EFCAB11: variants seen among roughly 807,000 people sequenced by gnomAD.
EFCAB11 encodes the protein EF-hand calcium binding domain 11.
EFCAB11 carries 14 observed loss-of-function variants against 23.0 expected under a neutral mutation model. The observed-to-expected ratio is 0.61, with a 90% CI of 0.40 to 0.95. EFCAB11 has a LOEUF of 0.95. Ranked by LOEUF, EFCAB11 falls within the 40% of genes least tolerant of loss-of-function variation. The pLI, the probability that EFCAB11 is intolerant of heterozygous loss-of-function variation, is 0.00. For synonymous variants in EFCAB11, 65 were observed against 66.6 expected (o/e 0.98, Z 0.11); for missense variants, 198 against 195.8 (o/e 1.01, Z -0.07).
At chr14:89,931,515 T>G in intron 5 of EFCAB11, 26 bp downstream of exon 5, 1 of 1,570,952 alleles carries the variant, frequency 6.4e-7, no homozygotes, top group African/African-American at 1.4e-5. Context: ...CAAAAGGTGG[T>G]GTACAGAAGG....
chr14:89,910,240 C>CA (rs1889633686), intron 5 of EFCAB11, among the ~76,000 whole-genome samples: 1 of 152,124 alleles, frequency 6.6e-6, no homozygotes, highest in African/African-American at 2.4e-5. Flanking sequence ...GGCAGGAGTG[C>CA]ATTTTGGCCA....
chr14:89,845,853 G>A (rs536744415), intron 5 of EFCAB11, among the ~76,000 whole-genome samples: 1 of 152,154 alleles, frequency 6.6e-6, no homozygotes, highest in Non-Finnish European at 1.5e-5. Flanking sequence ...GGGGCCCCAG[G>A]GTGGCTGCTT....
At position 89,850,932 on chromosome 14, in the gene EFCAB11, C is replaced by G. The variant is rs1239698550; in HGVS notation, c.411-53608G>C. 2.0e-5 allele frequency among the ~76,000 whole-genome samples: 3 copies of G among 152,194 alleles called. No homozygotes were observed. The East Asian group carries it at 5.8e-4, about 29-fold the overall frequency. On this transcript the variant is annotated intron_variant, in intron 5 of 5. Transcript: ENST00000316738. ...AAACTGAGCCCTAGGAAGTTAAACA[C>G]TCAGTATCTTGCCTAGGACCACACA... is the stretch of plus-strand genomic sequence containing the variant.
intron 5 of EFCAB11, among the ~76,000 whole-genome samples, chr14:89,887,866 G>T (rs1888842810): frequency 6.6e-6 from 1 of 152,160 alleles, no homozygotes; most frequent in Non-Finnish European, 1.5e-5. Context: ...CATTTTTCTT[G>T]AAGCTATAAT....
chr14:89,873,773 T>G (rs1888353941), intron 5 of EFCAB11, among the ~76,000 whole-genome samples: 1 of 152,206 alleles, frequency 6.6e-6, no homozygotes, highest in South Asian at 2.1e-4. Flanking sequence ...GACACGCTGA[T>G]GTAAGAGGTG....
At chr14:89,913,827 TATTTAA>T (rs1163763470) in intron 5 of EFCAB11, among the ~76,000 whole-genome samples, 2 of 152,156 alleles carry the variant, frequency 1.3e-5, no homozygotes, top group African/African-American at 4.8e-5. Context: ...TTTTAAAAAA[TATTTAA>T]ATTTATCTTT....
At chr14:89,825,364 G>C (rs1236052328) in intron 5 of EFCAB11, among the ~76,000 whole-genome samples, 1 of 152,056 alleles carries the variant, frequency 6.6e-6, no homozygotes, top group Non-Finnish European at 1.5e-5. Context: ...GAAATATGTA[G>C]TTTTAAATGC....
intron 5 of EFCAB11, among the ~76,000 whole-genome samples, chr14:89,858,934 C>T (rs559732832): frequency 3.9e-5 from 6 of 152,208 alleles, no homozygotes; most frequent in East Asian, 3.9e-4. Flanking sequence ...TTATTCAGCA[C>T]GTCACATCCC....
chr14:89,853,342 C>T (rs1329077450), intron 5 of EFCAB11, among the ~76,000 whole-genome samples: 1 of 152,192 alleles, frequency 6.6e-6, no homozygotes, highest in Non-Finnish European at 1.5e-5. Context: ...GTTAAGAAAG[C>T]TTCCTCTACT....
chr14:89,809,519 G>T (rs958870080), intron 5 of EFCAB11, among the ~76,000 whole-genome samples: 6 of 152,312 alleles, frequency 3.9e-5, no homozygotes, highest in African/African-American at 1.4e-4. Flanking sequence ...GACATTAAGT[G>T]TTGATCTGTG....
chr14:89,833,304 A>G (rs564344470), intron 5 of EFCAB11: 40 of 152,350 alleles, frequency 2.6e-4, no homozygotes, highest in African/African-American at 9.1e-4. Context: ...AAAAGTAGGT[A>G]CTTCTGAGTA....
intron 5 of EFCAB11, among the ~76,000 whole-genome samples, chr14:89,813,613 T>A (rs1007355017): frequency 6.6e-6 from 1 of 152,104 alleles, no homozygotes; most frequent in Non-Finnish European, 1.5e-5. Context: ...TTCAGCCAGA[T>A]CTCCTCCCAA....
chr14:89,800,102 C>T lies in EFCAB11; in HGVS notation c.411-2778G>A, dbSNP rs148219707. Among the ~76,000 whole-genome samples the T allele has an allele frequency of 3.0e-3, 463 of 152,202 alleles. 5 individuals carry two copies. Among genetic ancestry groups the T allele is most frequent in the African/African-American group, 0.011 (440 of 41,522 alleles). ...TTGGGAGGCTGAGGCAGAAGAATTG[C>T]TTGAACCCGGGAGGCAGAGGTTGCA... On this transcript the variant is annotated intron_variant, in intron 5 of 5. Transcript: ENST00000316738.
At chr14:89,946,770 C>T (rs1891001618) in intron 3 of EFCAB11, among the ~76,000 whole-genome samples, 1 of 147,554 alleles carries the variant, frequency 6.8e-6, no homozygotes, top group Non-Finnish European at 1.5e-5. Flanking sequence ...GATTCAGAGT[C>T]TCATACTATG....
intron 5 of EFCAB11, among the ~76,000 whole-genome samples, chr14:89,905,308 C>A (rs1480726340): frequency 1.3e-5 from 2 of 152,200 alleles, no homozygotes; most frequent in Admixed American, 1.3e-4. Context: ...AAGACTTGTA[C>A]TTTCTAGGTA....
intron 5 of EFCAB11, among the ~76,000 whole-genome samples, chr14:89,832,873 C>T (rs1347724824): frequency 6.6e-6 from 1 of 152,116 alleles, no homozygotes; most frequent in Non-Finnish European, 1.5e-5. Context: ...GCTGAACCAT[C>T]CTAAAAGTCA....
At chr14:89,941,448 T>A (rs1355867929) in intron 3 of EFCAB11, among the ~76,000 whole-genome samples, 2 of 152,132 alleles carry the variant, frequency 1.3e-5, no homozygotes, top group Non-Finnish European at 2.9e-5. Context: ...GGCTCATCAA[T>A]TGGTTAAGAG....
At chr14:89,815,404 T>A (rs1886301888) in intron 5 of EFCAB11, among the ~76,000 whole-genome samples, 1 of 152,082 alleles carries the variant, frequency 6.6e-6, no homozygotes, top group African/African-American at 2.4e-5. Flanking sequence ...ACTGGTATCA[T>A]AATTAAAGGA....
intron 5 of EFCAB11, among the ~76,000 whole-genome samples, chr14:89,846,146 G>T (rs373819382): frequency 6.6e-6 from 1 of 152,190 alleles, no homozygotes; most frequent in Non-Finnish European, 1.5e-5. Context: ...AGTGCTTAGC[G>T]CAGTGGCTAG....
Sources: gnomAD v4.1 joint callset for allele counts (sites outside exome capture counted in the v4.1 genomes callset) on GRCh38, gnomAD v4.1.1 for gene constraint, MANE v1.5 for transcripts, NCBI Gene and HGNC (gene_info 2026-07-23, HGNC 2026-07-21) for gene names.